The following ZNF101 variants were observed in gnomAD, a reference collection of about 807,000 sequenced individuals.
ZNF101 encodes zinc finger protein 101 (Y2).
In ZNF101, 34 loss-of-function variants were observed where a neutral mutation model predicts 42.6. That is an observed-to-expected ratio of 0.80 (90% confidence interval 0.61 to 1.06). ZNF101 has a LOEUF of 1.06. Ranked by LOEUF, ZNF101 falls within the 50% of genes least tolerant of loss-of-function variation. The pLI, the probability that ZNF101 is intolerant of heterozygous loss-of-function variation, is 0.00. For missense variants in ZNF101, 466 were observed against 530.9 expected (o/e 0.88, Z 1.20); for synonymous variants, 158 against 183.9 (o/e 0.86, Z 1.14).
rs754548360 is a variant in ZNF101 at position 19,678,031 on chromosome 19, G to A, written c.130+41G>A. The A allele has an allele frequency of 2.0e-5, 32 of 1,593,672 alleles. No individual in the cohort carries two copies. In the East Asian group the frequency reaches 6.6e-4, roughly 33 times the overall value. On this transcript the variant is annotated intron_variant, in intron 2 of 3. Coordinates refer to ENST00000592502, the MANE Select transcript of ZNF101 (RefSeq NM_033204.4). ...CCTTCCTTAGTCAATTAGAAGACAA[G>A]TGTGTTTTGGTCACCAGTGTGGTTG...
chr19:19,670,751 TAA>T (rs373946641), intron 1 of ZNF101, among the ~76,000 whole-genome samples: 4 of 140,876 alleles, frequency 2.8e-5, no homozygotes. Flanking sequence ...ACCCTGTCTT[TAA>T]AAAAAAAAAA....
rs1476556704 is a variant in ZNF101, at chr19:19,680,271, CA to C, written c.1283del (p.Gln428ArgfsTer5). On this transcript the variant is annotated frameshift_variant, in exon 4 of 4. Transcript: ENST00000592502. LOFTEE classifies it high-confidence loss of function. ...AGRSQCFGRR[Q>X]GDHLSPGV ...GCGTAGCCAGTGCTTTGGCAGGAGG[CA>C]GGGGGATCACCTGAGCCCAGGAGTT... 4 of 1,530,068 alleles carry C rather than the reference CA, an allele frequency of 2.6e-6. No individual in the cohort carries two copies. Among genetic ancestry groups the C allele is most frequent in the Non-Finnish European group, 2.6e-6 (3 of 1,143,898 alleles). 94.8% of individuals were successfully genotyped at this position (1,530,068 alleles called of 1,614,324 possible).
At position 19,677,976 on chromosome 19, in the gene ZNF101, A is replaced by T. The variant is rs1223163261; in HGVS notation, c.116A>T (p.Asn39Ile). 4 of 1,611,322 alleles carry T rather than the reference A, an allele frequency of 2.5e-6. No individual in the cohort carries two copies. Among genetic ancestry groups the T allele is most frequent in the Non-Finnish European group, 3.4e-6 (4 of 1,178,402 alleles). Residue 39 changes from asparagine (N) to isoleucine (I), a missense_variant, in exon 2 of 4, where the codon AAC becomes ATC. Transcript: ENST00000592502. The part of the protein sequence containing the change: ...YRDVTLETFR[N>I]LASVGIQWKD... ...GATGTGACGCTGGAAACCTTCAGGA[A>T]CCTGGCCTCGGTCGGTAAGAAGGAC...
chr19:19,673,786 A>G (rs1200642945), intron 1 of ZNF101, among the ~76,000 whole-genome samples: 1 of 126,856 alleles, frequency 7.9e-6, no homozygotes, highest in Non-Finnish European at 1.8e-5. Flanking sequence ...GGCTTTTTAA[A>G]TTATTATTAT....
chr19:19,671,415 T>C (rs2062168930), intron 1 of ZNF101, among the ~76,000 whole-genome samples: 1 of 152,200 alleles, frequency 6.6e-6, no homozygotes, highest in South Asian at 2.1e-4. Flanking sequence ...TCTGTACTCC[T>C]AGGTCTCTCT....
At chr19:19,674,600 AT>A (rs1302444569) in intron 1 of ZNF101, among the ~76,000 whole-genome samples, 1 of 152,148 alleles carries the variant, frequency 6.6e-6, no homozygotes, top group East Asian at 1.9e-4. Flanking sequence ...GATTTTTTGC[AT>A]TGATATTCAT....
At chr19:19,678,925 A>G (rs1485463718) in intron 3 of ZNF101, 139 bp downstream of exon 3, 2 of 938,972 alleles carry the variant, frequency 2.1e-6, no homozygotes, top group Non-Finnish European at 3.1e-6. Context: ...CCAAAAATCT[A>G]TCCTTCAATG....
At chr19:19,668,689 C>A (rs182571972), upstream of ZNF101, 6 of 445,128 alleles carry the variant, frequency 1.3e-5, no homozygotes, top group Non-Finnish European at 2.0e-5. Flanking sequence ...TTGAGGATTC[C>A]GATCACCTCT....
rs1270614501 is a variant in ZNF101 at position 19,682,059 on chromosome 19, A to C, written c.*1759A>C. The C allele has an allele frequency of 6.7e-6, 1 of 150,328 alleles. No homozygotes were observed. Among genetic ancestry groups the C allele is most frequent in the Admixed American group, 6.7e-5 (1 of 14,938 alleles). The allele number at this position is 150,328 out of a possible 1,614,324, so 9.3% of individuals were successfully genotyped here. A position where few individuals can be genotyped will look rare whatever the true frequency, so the allele number is the denominator to read the frequency against. ...TGCCTCAGCCTCCTGAGTAACTGGGATTATAAGCACATGCCACCACGCCTG... is the reference window on the plus strand; with the variant it reads ...TGCCTCAGCCTCCTGAGTAACTGGGCTTATAAGCACATGCCACCACGCCTG... On this transcript the variant is annotated 3_prime_UTR_variant, in exon 4 of 4. Coordinates refer to ENST00000592502, the MANE Select transcript of ZNF101 (RefSeq NM_033204.4).
chr19:19,676,616 CT>C (rs1568437680), intron 1 of ZNF101: 1 of 150,412 alleles, frequency 6.6e-6, no homozygotes, highest in African/African-American at 2.4e-5. Context: ...TTTTGTTTAC[CT>C]AAAATGTCTG....
chr19:19,679,723 G>T lies in ZNF101; in HGVS notation c.734G>T (p.Arg245Ile). Reference sequence around the variant, plus strand: ...CCCAGTTTATTTCAAATTCATGTTAGAACTCACACTGGAGAAAAACCTTAC... The same window carrying T: ...CCCAGTTTATTTCAAATTCATGTTATAACTCACACTGGAGAAAAACCTTAC... The part of the protein sequence containing the change: ...DYPSLFQIHV[R>I]THTGEKPYKC... Residue 245 changes from arginine to isoleucine, a missense_variant, in exon 4 of 4, where the codon AGA becomes ATA. Coordinates refer to ENST00000592502, the MANE Select transcript of ZNF101 (RefSeq NM_033204.4). 6.2e-7 allele frequency: 1 copy of T among 1,614,104 alleles called. No homozygotes were observed. Among genetic ancestry groups the T allele is most frequent in the Non-Finnish European group, 8.5e-7 (1 of 1,180,002 alleles).
intron 1 of ZNF101, among the ~76,000 whole-genome samples, chr19:19,674,233 A>G (rs1418727085): frequency 1.3e-5 from 2 of 149,620 alleles, no homozygotes; most frequent in Admixed American, 1.3e-4. Context: ...CTGGAGTACA[A>G]TGGTGTGATC....
rs1378226810 is a variant in ZNF101 at position 19,679,361 on chromosome 19, T to C, written c.372T>C (p.His124=). The change falls in exon 4 of 4, where the codon CAT becomes CAC. Residue 124 remains histidine, a synonymous_variant. Transcript: ENST00000592502. The part of the protein sequence containing the change: ...HSFLDRHMRA[H]AGHKRSECGG... ...TCCTGGACAGGCACATGAGAGCTCA[T>C]GCTGGACACAAACGATCTGAGTGTG... 3 of 1,614,074 alleles carry C rather than the reference T, an allele frequency of 1.9e-6. No homozygotes were observed. Among genetic ancestry groups the C allele is most frequent in the Admixed American group, 1.7e-5 (1 of 59,998 alleles).
At position 19,683,271 on chromosome 19, in the gene ZNF101, A is replaced by G. The variant is rs1175149789; in HGVS notation, c.*2971A>G. The G allele has an allele frequency of 2.0e-5, 3 of 152,154 alleles. No individual in the cohort carries two copies. Among genetic ancestry groups the G allele is most frequent in the Non-Finnish European group, 4.4e-5 (3 of 68,034 alleles). The allele number at this position is 152,154 out of a possible 1,614,324, so 9.4% of individuals were successfully genotyped here. On this transcript the variant is annotated 3_prime_UTR_variant, in exon 4 of 4. Coordinates refer to ENST00000592502, the MANE Select transcript of ZNF101 (RefSeq NM_033204.4). ...CTTTGCTAATAAGGACTTGGTATCA[A>G]TTTATCAGTATGTAAAGTTTACCAT...
intron 1 of ZNF101, among the ~76,000 whole-genome samples, chr19:19,670,072 A>G (rs1032239513): frequency 3.3e-5 from 5 of 152,102 alleles, no homozygotes; most frequent in African/African-American, 9.7e-5. Context: ...AGGACCGTCC[A>G]GGGACTTCTT....
At position 19,674,761 on chromosome 19, in the gene ZNF101, G is replaced by A. The variant is rs538748183; in HGVS notation, c.4-3103G>A. 3.9e-5 allele frequency among the ~76,000 whole-genome samples: 6 copies of A among 152,186 alleles called. No individual in the cohort carries two copies. In the East Asian group the frequency reaches 1.2e-3, roughly 29 times the overall value. ...GCAATTCTTTTTTAAATTTTTGGTG[G>A]ATTTCAGCAGTGAAACTATTTGGTG... On this transcript the variant is annotated intron_variant, in intron 1 of 3. Transcript: ENST00000592502.
In ZNF101 at chr19:19,682,921, G is replaced by C. The variant is rs1206593177; in HGVS notation, c.*2621G>C. On this transcript the variant is annotated 3_prime_UTR_variant, in exon 4 of 4. Coordinates refer to ENST00000592502, the MANE Select transcript of ZNF101 (RefSeq NM_033204.4). ...TGCAACCTCCACCTCCCGGGTTCAA[G>C]TAATCCCCCTGCCTTAGCCTCCTAC... 1 of 152,232 alleles carries C rather than the reference G, an allele frequency of 6.6e-6. No homozygotes were observed. Among genetic ancestry groups the C allele is most frequent in the African/African-American group, 2.4e-5 (1 of 41,426 alleles). 9.4% of individuals were successfully genotyped at this position (152,232 alleles called of 1,614,324 possible).
At chr19:19,671,684 A>G (rs2062171408) in intron 1 of ZNF101, among the ~76,000 whole-genome samples, 2 of 152,044 alleles carry the variant, frequency 1.3e-5, no homozygotes, top group Admixed American at 6.6e-5. Flanking sequence ...TATTTTTAGT[A>G]GAGACGGGGT....
chr19:19,672,761 A>G lies in ZNF101; in HGVS notation c.3+3795A>G, dbSNP rs929420957. On this transcript the variant is annotated intron_variant, in intron 1 of 3. Coordinates refer to ENST00000592502, the MANE Select transcript of ZNF101 (RefSeq NM_033204.4). ...AGGCCAGTCTGAAACTCCTGAGCTCAGGCAATCCTCCCACTTCGACCTCCC... is the reference window on the plus strand; with the variant it reads ...AGGCCAGTCTGAAACTCCTGAGCTCGGGCAATCCTCCCACTTCGACCTCCC... Among the ~76,000 whole-genome samples, 11 of 152,124 alleles carry G rather than the reference A, an allele frequency of 7.2e-5. No homozygotes were observed. The East Asian group carries it at 2.1e-3, about 29-fold the overall frequency.
Sources: allele counts gnomAD v4.1 joint callset (sites outside exome capture counted in the v4.1 genomes callset), GRCh38; gene constraint gnomAD v4.1.1; transcripts MANE v1.5; gene names NCBI Gene and HGNC (gene_info 2026-07-23, HGNC 2026-07-21).